DMD: variants seen among roughly 807,000 people sequenced by gnomAD.
DMD encodes the protein mutant dystrophin.
Under a neutral mutation model 330.1 loss-of-function variants are expected in DMD, and 63 were observed. The ratio of observed to expected loss-of-function variants is 0.19; its 90% CI spans 0.16 to 0.24. The LOEUF (loss-of-function observed/expected upper bound fraction) is 0.24. Among genes scored for constraint, DMD ranks in the 10% least tolerant of loss-of-function variants. The pLI is 1.00. For missense variants in DMD, 3,344 were observed against 2,684.1 expected (o/e 1.25, Z -5.43); for synonymous variants, 1,223 against 959.8 (o/e 1.27, Z -5.07).
chrX:32,720,100 G>A (rs1450215840), intron 7 of DMD, among the ~76,000 whole-genome samples: 1 of 111,038 alleles, frequency 9.0e-6, no homozygotes, highest in Non-Finnish European at 1.9e-5. Context: ...TTCTTTGACT[G>A]TTTCTATCTG....
intron 12 of DMD, among the ~76,000 whole-genome samples, chrX:32,603,859 A>G (rs1223173898): frequency 9.0e-6 from 1 of 111,437 alleles, no homozygotes; most frequent in East Asian, 2.8e-4. Context: ...AATCAGTAAT[A>G]AATATCTCCC....
chrX:32,787,250 G>GAA (rs2075454122), intron 7 of DMD, among the ~76,000 whole-genome samples: 1 of 87,512 alleles, frequency 1.1e-5, no homozygotes, highest in Non-Finnish European at 2.4e-5. Flanking sequence ...GTGTGTGTGA[G>GAA]AGAGAGAGAG....
rs1157182608 is a variant in DMD at position 32,718,923 on chromosome X, ACCTT to A, written c.650-19634_650-19631del. On this transcript the variant is annotated intron_variant, in intron 7 of 78. Transcript: ENST00000357033. Reference sequence around the variant, plus strand: ...TTGACTCAAGTGTAAATAGTTAATAACCTTCCATATTTAAAATGCTCCATTAGGT... The same window carrying A: ...TTGACTCAAGTGTAAATAGTTAATAACCATATTTAAAATGCTCCATTAGGT... 4.5e-5 allele frequency among the ~76,000 whole-genome samples: 5 copies of A among 112,243 alleles called. No homozygotes were observed. The Middle Eastern group carries it at 0.014, about 312-fold the overall frequency.
At chrX:32,516,893 A>T (rs1204523891) in intron 18 of DMD, 1 of 112,186 alleles carries the variant, frequency 8.9e-6, no homozygotes, top group Admixed American at 9.4e-5. Flanking sequence ...TGCTGACAAC[A>T]GCATGTCTTA....
intron 7 of DMD, among the ~76,000 whole-genome samples, chrX:32,778,371 C>A (rs1335314576): frequency 9.0e-6 from 1 of 110,759 alleles, no homozygotes; most frequent in Non-Finnish European, 1.9e-5. Context: ...CCATTGAGGG[C>A]AGTTTGTCAG....
At chrX:32,668,935 C>G (rs773164178) in intron 9 of DMD, among the ~76,000 whole-genome samples, 1 of 111,085 alleles carries the variant, frequency 9.0e-6, no homozygotes, top group Non-Finnish European at 1.9e-5. Context: ...TTTTTCTGGA[C>G]ATTTTTGTCC....
chrX:32,085,257 T>C (rs2096422500), intron 44 of DMD, among the ~76,000 whole-genome samples: 1 of 110,952 alleles, frequency 9.0e-6, no homozygotes, highest in South Asian at 3.8e-4. Context: ...CATATGTATG[T>C]ATGCATACAT....
In DMD at chrX:32,342,093, A is replaced by G; in HGVS notation, c.5922+7T>C. 8.3e-7 allele frequency: 1 copy of G among 1,205,976 alleles called. No individual in the cohort carries two copies. The highest frequency in any genetic ancestry group is 1.1e-6 in the Non-Finnish European group (1 of 891,123). On this transcript the variant is annotated splice_region_variant and intron_variant, in intron 41 of 78. Coordinates refer to ENST00000357033, the MANE Select transcript of DMD (RefSeq NM_004006.3). ...ACACATACGTGGGTTTGCCAGTAAC[A>G]ACTCACAATTTGTGCAAAGTTGAGT...
At chrX:32,150,362 A>T (rs1484434010) in intron 44 of DMD, among the ~76,000 whole-genome samples, 1 of 112,362 alleles carries the variant, frequency 8.9e-6, no homozygotes, top group African/African-American at 3.2e-5. Flanking sequence ...AGCACCTGGC[A>T]CATGAAAACA....
intron 50 of DMD, among the ~76,000 whole-genome samples, chrX:31,802,812 C>G (rs1046102587): frequency 9.0e-5 from 10 of 111,565 alleles, no homozygotes; most frequent in African/African-American, 2.9e-4. Context: ...AAGTCTTCTC[C>G]TCTTTCAGTT....
At chrX:31,241,983 G>A (rs773121298) in intron 63 of DMD, among the ~76,000 whole-genome samples, 27 of 110,927 alleles carry the variant, frequency 2.4e-4, no homozygotes, top group Non-Finnish European at 4.3e-4. Context: ...GTGGCCAGGC[G>A]CGGTGGCTCA....
chrX:31,648,414 A>G (rs2080227284), intron 54 of DMD, among the ~76,000 whole-genome samples: 1 of 108,525 alleles, frequency 9.2e-6, no homozygotes, highest in African/African-American at 3.4e-5. Flanking sequence ...AATGCCACAA[A>G]AACACACAGT....
chrX:32,689,063 C>T (rs2063086084), intron 9 of DMD, among the ~76,000 whole-genome samples: 2 of 110,832 alleles, frequency 1.8e-5, no homozygotes, highest in African/African-American at 3.3e-5. Context: ...AAATTACATG[C>T]TAGGCATTTA....
intron 2 of DMD, among the ~76,000 whole-genome samples, chrX:32,912,472 T>G (rs909619276): frequency 9.0e-4 from 100 of 110,668 alleles, no homozygotes; most frequent in African/African-American, 3.2e-3. Flanking sequence ...CCTACATGTA[T>G]ACAAGGAACC....
At chrX:33,322,964 A>G (rs1317202884) in intron 1 of DMD, among the ~76,000 whole-genome samples, 4 of 111,037 alleles carry the variant, frequency 3.6e-5, no homozygotes, top group African/African-American at 9.8e-5. Flanking sequence ...CAAACATTCT[A>G]TCTTCATCAA....
chrX:31,776,639 T>C (rs1037017404), intron 50 of DMD, among the ~76,000 whole-genome samples: 6 of 102,611 alleles, frequency 5.8e-5, no homozygotes, highest in Non-Finnish European at 4.0e-5. Flanking sequence ...AGGGAATCTA[T>C]TGAAAAGCAA....
intron 11 of DMD, among the ~76,000 whole-genome samples, chrX:32,622,605 ACATCCAATTATACTTCG>A (rs1480010534): frequency 5.4e-5 from 6 of 111,968 alleles, no homozygotes; most frequent in Non-Finnish European, 9.4e-5. Flanking sequence ...ATTATACTTC[ACATCCAATTATACTTCG>A]CATCCAATTA....
chrX:32,813,027 G>A (rs1005080847), intron 6 of DMD, among the ~76,000 whole-genome samples: 1 of 110,670 alleles, frequency 9.0e-6, no homozygotes, highest in Non-Finnish European at 1.9e-5. Context: ...CATTGCTTAT[G>A]CATTCGTGCT....
At chrX:31,955,174 C>T (rs2095232422) in intron 45 of DMD, among the ~76,000 whole-genome samples, 2 of 111,055 alleles carry the variant, frequency 1.8e-5, no homozygotes, top group Admixed American at 1.9e-4. Context: ...AGAACCCCAT[C>T]TCAAAAAAGA....
Sources: allele counts gnomAD v4.1 joint callset (sites outside exome capture counted in the v4.1 genomes callset), GRCh38; gene constraint gnomAD v4.1.1; transcripts MANE v1.5; gene names NCBI Gene and HGNC (gene_info 2026-07-23, HGNC 2026-07-21).